RHNO1: variants seen among roughly 807,000 people sequenced by gnomAD.
RHNO1 encodes the protein RAD9, HUS1, RAD1-interacting nuclear orphan protein 1.
A neutral mutation model predicts 7.2 loss-of-function variants in RHNO1; 9 were observed. The observed-to-expected ratio is 1.25, with a 90% CI of 0.75 to 2.18. The LOEUF (loss-of-function observed/expected upper bound fraction) is 2.18, where lower values mean the gene tolerates loss of function less well. RHNO1 is among the 30% of genes most tolerant of loss of function. The probability of loss-of-function intolerance (pLI) is 0.00; values close to 1 mark genes in which losing one functional copy is unlikely to be tolerated. For synonymous variants in RHNO1, 95 were observed against 107.5 expected (o/e 0.88, Z 0.72); for missense variants, 292 against 284.5 (o/e 1.03, Z -0.19).
At chr12:2,880,271 C>G (rs1364144836) in intron 1 of RHNO1, among the ~76,000 whole-genome samples, 2 of 151,982 alleles carry the variant, frequency 1.3e-5, no homozygotes, top group East Asian at 3.9e-4. Flanking sequence ...TGTACTCCAG[C>G]CTGGGCAACA....
chr12:2,885,562 T>TTTG (rs1565489678), intron 2 of RHNO1, 28 bp downstream of exon 2: 4 of 70,694 alleles, frequency 5.7e-5, no homozygotes, highest in South Asian at 1.4e-3. Context: ...CTATTTGACA[T>TTTG]TTTTTTTTTT....
Position 2,888,299 on chromosome 12 carries a change from C to T in RHNO1, c.557C>T (p.Thr186Ile). ...ENSLLSCTLH[T>I]GTPNSPEPGP... ...AGCCTTCTAAGCTGCACTCTTCACA[C>T]TGGCACTCCTAATAGCCCAGAGCCT... Residue 186 changes from threonine to isoleucine, a missense_variant, in exon 3 of 3, where the codon ACT (threonine) becomes ATT (isoleucine). Physicochemically the swap from Thr to Ile is moderately conservative, Grantham distance 89 (BLOSUM62 -1). Transcript: ENST00000489288. The T allele has an allele frequency of 1.2e-6, 2 of 1,614,150 alleles. No homozygotes were observed. Among genetic ancestry groups the T allele is most frequent in the East Asian group, 2.2e-5 (1 of 44,878 alleles).
Position 2,877,667 on chromosome 12 carries a change from A to G in RHNO1, c.-85+385A>G, listed in dbSNP as rs28990681. ...AAAAAATGTCGGCACCATGAACCCTACCTCAGCGCGAAACCTGTCTTTTGC... is the reference window on the plus strand; with the variant it reads ...AAAAAATGTCGGCACCATGAACCCTGCCTCAGCGCGAAACCTGTCTTTTGC... On this transcript the variant is annotated intron_variant, in intron 1 of 2. Coordinates refer to ENST00000489288, the MANE Select transcript of RHNO1 (RefSeq NM_001252499.3). Among the ~76,000 whole-genome samples, 713 of 152,098 alleles carry G rather than the reference A, an allele frequency of 4.7e-3. 5 individuals carry two copies. Among genetic ancestry groups the G allele is most frequent in the African/African-American group, 0.016 (681 of 41,472 alleles).
At position 2,889,519 on chromosome 12, in the gene RHNO1, C is replaced by G. The variant is rs1337900724; in HGVS notation, c.*1060C>G. ...CATCTCATTAAACCCATTCATTTAG[C>G]ATTCATTCAGCTGGACCTACTGTGT... On this transcript the variant is annotated 3_prime_UTR_variant, in exon 3 of 3. Coordinates refer to ENST00000489288, the MANE Select transcript of RHNO1 (RefSeq NM_001252499.3). 1.3e-5 allele frequency: 2 copies of G among 152,194 alleles called. No individual in the cohort carries two copies. The highest frequency in any genetic ancestry group is 2.4e-5 in the African/African-American group (1 of 41,444). 9.4% of individuals were successfully genotyped at this position (152,194 alleles called of 1,614,324 possible). A position where few individuals can be genotyped will look rare whatever the true frequency, so the allele number is the denominator to read the frequency against.
At chr12:2,879,557 C>T (rs1368289643) in intron 1 of RHNO1, among the ~76,000 whole-genome samples, 1 of 151,808 alleles carries the variant, frequency 6.6e-6, no homozygotes, top group Non-Finnish European at 1.5e-5. Flanking sequence ...TGGTCTCAAA[C>T]TCATGAGCTC....
chr12:2,876,751 G>A (rs766576460), upstream of RHNO1, among the ~76,000 whole-genome samples: 11 of 152,316 alleles, frequency 7.2e-5, no homozygotes, highest in South Asian at 2.1e-3. Flanking sequence ...CGGCCAGGAG[G>A]TGGACGCAGA....
chr12:2,879,232 C>T lies in RHNO1; in HGVS notation c.-85+1950C>T, dbSNP rs1334824047. On this transcript the variant is annotated intron_variant, in intron 1 of 2. Transcript: ENST00000489288. ...TTGCCCAGATTGATCTTGAACTATT[C>T]GGTTCAAGTGATCCTCCCACCTTCA... 3.3e-5 allele frequency among the ~76,000 whole-genome samples: 5 copies of T among 151,940 alleles called. No individual in the cohort carries two copies. The East Asian group carries it at 7.7e-4, about 23-fold the overall frequency.
chr12:2,878,323 A>G (rs1488451647), intron 1 of RHNO1, among the ~76,000 whole-genome samples: 1 of 150,768 alleles, frequency 6.6e-6, no homozygotes, highest in African/African-American at 2.5e-5. Context: ...TTTTACAAAG[A>G]AAGGAGGGAA....
Position 2,888,925 on chromosome 12 carries a change from C to G in RHNO1, c.*466C>G, listed in dbSNP as rs1381198325. 1 of 152,794 alleles carries G rather than the reference C, an allele frequency of 6.5e-6. No individual in the cohort carries two copies. The highest frequency in any genetic ancestry group is 1.5e-5 in the Non-Finnish European group (1 of 68,504). The allele number at this position is 152,794 out of a possible 1,614,324, so 9.5% of individuals were successfully genotyped here. Reference sequence around the variant, plus strand: ...ATTTTTAAAATATCTTGTAGTAACTCTTTAAAATGTATGTAAGTAAATGGC... The same window carrying G: ...ATTTTTAAAATATCTTGTAGTAACTGTTTAAAATGTATGTAAGTAAATGGC... On this transcript the variant is annotated 3_prime_UTR_variant, in exon 3 of 3. Transcript: ENST00000489288.
intron 1 of RHNO1, among the ~76,000 whole-genome samples, chr12:2,883,505 A>ATT (rs2098161364): frequency 1.9e-4 from 6 of 31,918 alleles, no homozygotes; most frequent in African/African-American, 8.6e-4. Context: ...ATATATATAT[A>ATT]TATATATTTT....
chr12:2,888,395 A>G lies in RHNO1; in HGVS notation c.653A>G (p.His218Arg). The stretch of plus-strand genomic sequence containing the variant: ...AAGGTCACATGGAGGAGACGACAGC[A>G]CCTGCTTGCTTACCTCAGGGAGAGA... ...GIKVTWRRRQ[H>R]LLAYLRERGK... is the part of the protein sequence containing the mutation. The change falls in exon 3 of 3, where the codon CAC (histidine) becomes CGC (arginine). Residue 218 changes from histidine (H) to arginine (R), a missense_variant. Coordinates refer to ENST00000489288, the MANE Select transcript of RHNO1 (RefSeq NM_001252499.3). The G allele has an allele frequency of 6.2e-7, 1 of 1,612,660 alleles. No individual in the cohort carries two copies. Among genetic ancestry groups the G allele is most frequent in the Non-Finnish European group, 8.5e-7 (1 of 1,179,402 alleles).
intron 2 of RHNO1, 112 bp from the exon 3 acceptor site, chr12:2,887,799 T>C: frequency 3.6e-6 from 3 of 824,790 alleles, no homozygotes; most frequent in Non-Finnish European, 5.5e-6. Flanking sequence ...TATTTTAGTT[T>C]TGTGTTCATT....
chr12:2,882,131 C>T (rs1245793067), intron 1 of RHNO1, among the ~76,000 whole-genome samples: 3 of 151,430 alleles, frequency 2.0e-5, no homozygotes, highest in Non-Finnish European at 4.4e-5. Context: ...CACCATTCCA[C>T]CAAAGAAGCC....
intron 1 of RHNO1, among the ~76,000 whole-genome samples, chr12:2,884,881 T>C (rs1175628913): frequency 6.6e-6 from 1 of 152,164 alleles, no homozygotes; most frequent in Non-Finnish European, 1.5e-5. Context: ...CTAGGTCAGG[T>C]ATCTCCCTTT....
At chr12:2,879,750 T>G (rs2098155017) in intron 1 of RHNO1, among the ~76,000 whole-genome samples, 1 of 151,874 alleles carries the variant, frequency 6.6e-6, no homozygotes, top group Non-Finnish European at 1.5e-5. Flanking sequence ...TGAAGTCATC[T>G]ACTTCTAGGT....
chr12:2,880,752 GC>G lies in RHNO1; in HGVS notation c.-85+3472del, dbSNP rs542755852. Among the ~76,000 whole-genome samples the G allele has an allele frequency of 6.1e-3, 926 of 152,086 alleles. 3 individuals carry two copies. Among genetic ancestry groups the G allele is most frequent in the Non-Finnish European group, 9.9e-3 (676 of 68,030 alleles). ...AGGCTCAAGTGATCCTCCCACCTCA[GC>G]CTCCCAAGTAGCTGGGACTACAGGT... On this transcript the variant is annotated intron_variant, in intron 1 of 2. Coordinates refer to ENST00000489288, the MANE Select transcript of RHNO1 (RefSeq NM_001252499.3).
At position 2,888,585 on chromosome 12, in the gene RHNO1, T is replaced by G. The variant is rs1447088197; in HGVS notation, c.*126T>G. The G allele has an allele frequency of 5.1e-6, 4 of 783,118 alleles. No individual in the cohort carries two copies. The African/African-American group carries it at 6.9e-5, about 14-fold the overall frequency. 48.5% of individuals were successfully genotyped at this position (783,118 alleles called of 1,614,324 possible). ...CTCTGTTGCCCAGGCTGGAGTGCAG[T>G]GGTATGATCTCACCTTACTGCAACC... On this transcript the variant is annotated 3_prime_UTR_variant, in exon 3 of 3. Transcript: ENST00000489288.
intron 1 of RHNO1, among the ~76,000 whole-genome samples, chr12:2,882,082 T>G (rs1034374077): frequency 6.6e-6 from 1 of 151,802 alleles, no homozygotes; most frequent in Non-Finnish European, 1.5e-5. Context: ...GCTGCAACTC[T>G]CATTTACCTC....
In RHNO1 at chr12:2,888,103, A is replaced by G; in HGVS notation, c.361A>G (p.Lys121Glu). Residue 121 changes from lysine to glutamate, a missense_variant, in exon 3 of 3, where the codon AAG becomes GAG. Physicochemically the swap from Lys to Glu is moderately conservative, Grantham distance 56. Transcript: ENST00000489288. ...LIRECPSESEKDVSRRPLVPV... is the reference protein window; with the variant it reads ...LIRECPSESEEDVSRRPLVPV... ...CCGAGAGTGCCCCAGTGAATCAGAAAAGGATGTTTCCAGAAGACCCTTAGT... is the reference window on the plus strand; with the variant it reads ...CCGAGAGTGCCCCAGTGAATCAGAAGAGGATGTTTCCAGAAGACCCTTAGT... 2 of 1,614,052 alleles carry G rather than the reference A, an allele frequency of 1.2e-6. No homozygotes were observed. Among genetic ancestry groups the G allele is most frequent in the East Asian group, 2.2e-5 (1 of 44,878 alleles).
Sources: gnomAD v4.1 joint callset for allele counts (sites outside exome capture counted in the v4.1 genomes callset) on GRCh38, gnomAD v4.1.1 for gene constraint, MANE v1.5 for transcripts, NCBI Gene and HGNC (gene_info 2026-07-23, HGNC 2026-07-21) for gene names.